The following REXO1 variants were observed in gnomAD, a reference collection of about 807,000 sequenced individuals.
REXO1 encodes RNA exonuclease 1 homolog.
Under a neutral mutation model 102.6 loss-of-function variants are expected in REXO1, and 42 were observed. That is an observed-to-expected ratio of 0.41 (90% CI 0.32 to 0.53). REXO1 has a LOEUF of 0.53. Ranked by LOEUF, REXO1 falls within the 20% of genes least tolerant of loss-of-function variation. The pLI is 0.27. For synonymous variants in REXO1, 908 were observed against 779.1 expected (o/e 1.17, Z -2.76); for missense variants, 1,819 against 1,732.5 (o/e 1.05, Z -0.89).
rs1600505656 is a variant in REXO1 at position 1,815,864 on chromosome 19, T to G, written c.*202A>C. 2 of 1,323,952 alleles carry G rather than the reference T, an allele frequency of 1.5e-6. No homozygotes were observed. Among genetic ancestry groups the G allele is most frequent in the African/African-American group, 3.1e-5 (1 of 32,762 alleles). 82.0% of individuals were successfully genotyped at this position (1,323,952 alleles called of 1,614,324 possible). A position where few individuals can be genotyped will look rare whatever the true frequency, so the allele number is the denominator to read the frequency against. On this transcript the variant is annotated 3_prime_UTR_variant, in exon 16 of 16. Transcript: ENST00000170168. The surrounding 1 kb of genome is among the most constrained non-coding windows in gnomAD (Gnocchi z 4.0). ...CGCCAGAGGGCTGGGGGGCAGAGGGTGGGGACCGGCGGAGGGGTGCGGCAG... is the reference window on the plus strand; with the variant it reads ...CGCCAGAGGGCTGGGGGGCAGAGGGGGGGGACCGGCGGAGGGGTGCGGCAG...
rs145282552 is a variant in REXO1 at position 1,817,643 on chromosome 19, C to T, written c.3090+64G>A. 182 of 1,531,494 alleles carry T rather than the reference C, an allele frequency of 1.2e-4. 1 individual carries two copies. In the East Asian group the frequency reaches 3.9e-3, roughly 33 times the overall value. 94.9% of individuals were successfully genotyped at this position (1,531,494 alleles called of 1,614,324 possible). On this transcript the variant is annotated intron_variant, in intron 11 of 15. Transcript: ENST00000170168. Reference sequence around the variant, plus strand: ...CTGTGCTGTGTCCCGAGACCCCACACCAACGATGGGGAGGCAGAAGTCTGT... The same window carrying T: ...CTGTGCTGTGTCCCGAGACCCCACATCAACGATGGGGAGGCAGAAGTCTGT...
At chr19:1,828,720 G>T in intron 1 of REXO1, 89 bp from the exon 2 acceptor site, 2 of 1,426,314 alleles carry the variant, frequency 1.4e-6, no homozygotes, top group Non-Finnish European at 1.9e-6. Flanking sequence ...CTGCAGGGAA[G>T]GGAAGAGACC....
chr19:1,818,989 C>T (rs747978585), intron 8 of REXO1, 29 bp downstream of exon 8: 30 of 1,583,626 alleles, frequency 1.9e-5, no homozygotes, highest in African/African-American at 2.7e-5. Context: ...CACGAAGCAC[C>T]GTGTGGCAGA....
chr19:1,846,372 C>G (rs2011540868), intron 1 of REXO1, among the ~76,000 whole-genome samples: 1 of 152,154 alleles, frequency 6.6e-6, no homozygotes, highest in Admixed American at 6.5e-5. Context: ...AGGCAGTCTT[C>G]TACCAGACAG....
intron 1 of REXO1, among the ~76,000 whole-genome samples, chr19:1,846,295 G>A (rs995726385): frequency 6.6e-5 from 10 of 152,144 alleles, no homozygotes; most frequent in East Asian, 1.9e-4. Flanking sequence ...AACATGTCAC[G>A]GAGGCGGAAA....
At chr19:1,847,828 C>G (rs1187239042) in intron 1 of REXO1, among the ~76,000 whole-genome samples, 1 of 152,222 alleles carries the variant, frequency 6.6e-6, no homozygotes, top group Non-Finnish European at 1.5e-5. Flanking sequence ...GTCCGGGAAG[C>G]GGCGGGCGCC....
chr19:1,828,587 C>A lies in REXO1; in HGVS notation c.202G>T (p.Ala68Ser), dbSNP rs376254129. 1.0e-4 allele frequency: 160 copies of A among 1,603,330 alleles called. No individual in the cohort carries two copies. Among genetic ancestry groups the A allele is most frequent in the Non-Finnish European group, 1.3e-4 (159 of 1,179,820 alleles). The change falls in exon 2 of 16, where the codon GCG (alanine) becomes TCG (serine). Residue 68 changes from alanine (A) to serine (S), a missense_variant. Physicochemically the swap from Ala to Ser is moderately conservative, Grantham distance 99. Transcript: ENST00000170168. Reference sequence around the variant, plus strand: ...CCCAGGGTGCCATTCTCCCTCTGCGCGGGGGGCTTGGGCAGCTCAGGGTTG... The same window carrying A: ...CCCAGGGTGCCATTCTCCCTCTGCGAGGGGGGCTTGGGCAGCTCAGGGTTG... Reference protein sequence around the residue: ...PYNPELPKPPAQRENGTLGLG... With the variant: ...PYNPELPKPPSQRENGTLGLG...
chr19:1,818,909 A>G, intron 8 of REXO1, 66 bp from the exon 9 acceptor site: 2 of 1,588,546 alleles, frequency 1.3e-6, no homozygotes, highest in South Asian at 1.1e-5. Flanking sequence ...CACCACCGGG[A>G]AAGGCGGCTG....
chr19:1,829,811 C>CA (rs894267792), intron 1 of REXO1, among the ~76,000 whole-genome samples: 5 of 151,750 alleles, frequency 3.3e-5, no homozygotes, highest in South Asian at 2.1e-4. Context: ...CCCGTCTCAA[C>CA]AAAAAAAAAT....
intron 1 of REXO1, among the ~76,000 whole-genome samples, chr19:1,844,953 C>A (rs2011470080): frequency 6.6e-6 from 1 of 152,210 alleles, no homozygotes; most frequent in South Asian, 2.1e-4. Context: ...GCCCACCGCA[C>A]CTCTGGAGAG....
intron 1 of REXO1, 56 bp from the exon 2 acceptor site, chr19:1,828,687 A>G (rs1265787008): frequency 5.9e-6 from 9 of 1,521,116 alleles, no homozygotes; most frequent in East Asian, 2.4e-5. Context: ...AGCCCGCAGC[A>G]TGGGGGCGGC....
rs2069746487 is a variant in REXO1, at chr19:1,827,015, T to A, written c.1774A>T (p.Ser592Cys). ...GAGTAGTCCACATCCGCCCCCGCGCTGGAGGTGGAGGAGGAGGAGGAGGAG... is the reference window on the plus strand; with the variant it reads ...GAGTAGTCCACATCCGCCCCCGCGCAGGAGGTGGAGGAGGAGGAGGAGGAG... The part of the protein sequence containing the change: ...SSSSSSSSTS[S>C]AGADVDYSAL... The change falls in exon 2 of 16, where the codon AGC becomes TGC. Residue 592 changes from serine to cysteine, a missense_variant. Ser to Cys is a moderately radical substitution (Grantham distance 112, BLOSUM62 -1). Transcript: ENST00000170168. The A allele has an allele frequency of 7.3e-7, 1 of 1,372,340 alleles. No individual in the cohort carries two copies. Among genetic ancestry groups the A allele is most frequent in the East Asian group, 3.7e-5 (1 of 27,154 alleles). The allele number at this position is 1,372,340 out of a possible 1,614,324, so 85.0% of individuals were successfully genotyped here. A position where few individuals can be genotyped will look rare whatever the true frequency, so the allele number is the denominator to read the frequency against.
chr19:1,824,794 T>TTGTC (rs1568691192), intron 3 of REXO1, among the ~76,000 whole-genome samples: 8 of 151,320 alleles, frequency 5.3e-5, no homozygotes. Flanking sequence ...TTTTATGTAT[T>TTGTC]TATCTTTTTG....
Position 1,819,011 on chromosome 19 carries a change from G to A in REXO1, c.2764+7C>T. ...CACCGTGTGGCAGAGCAGGGGCAGGGCCTTACCTTTCAGGTCCTCCACCCG... is the reference window on the plus strand; with the variant it reads ...CACCGTGTGGCAGAGCAGGGGCAGGACCTTACCTTTCAGGTCCTCCACCCG... On this transcript the variant is annotated splice_region_variant and intron_variant, in intron 8 of 15. Transcript: ENST00000170168. 6.3e-7 allele frequency: 1 copy of A among 1,597,522 alleles called. No homozygotes were observed. Among genetic ancestry groups the A allele is most frequent in the Non-Finnish European group, 8.5e-7 (1 of 1,170,936 alleles).
At chr19:1,825,712 G>C (rs575544423) in intron 3 of REXO1, 127 bp downstream of exon 3, 9 of 647,546 alleles carry the variant, frequency 1.4e-5, no homozygotes, top group South Asian at 9.2e-5. Context: ...CTGGCCTCAG[G>C]TGATCCACCC....
At chr19:1,841,762 G>A (rs1025873415) in intron 1 of REXO1, among the ~76,000 whole-genome samples, 3 of 152,108 alleles carry the variant, frequency 2.0e-5, no homozygotes, top group African/African-American at 4.8e-5. Flanking sequence ...AGAGTCCCCG[G>A]AACCCCTCCC....
Position 1,815,665 on chromosome 19 carries a change from TAA to T in REXO1, c.*399_*400del, listed in dbSNP as rs1288070900. The T allele has an allele frequency of 1.2e-4, 154 of 1,236,612 alleles. No individual in the cohort carries two copies. The highest frequency in any genetic ancestry group is 5.3e-4 in the South Asian group (31 of 58,900). 76.6% of individuals were successfully genotyped at this position (1,236,612 alleles called of 1,614,324 possible). On this transcript the variant is annotated 3_prime_UTR_variant, in exon 16 of 16. Coordinates refer to ENST00000170168, the MANE Select transcript of REXO1 (RefSeq NM_020695.4). The surrounding 1 kb of genome is among the most constrained non-coding windows in gnomAD (Gnocchi z 4.0). ...AAATAATAAAAATAACAATACAAAA[TAA>T]AAAAAGACTGTCTCAAACAAACCTG... is the stretch of plus-strand genomic sequence containing the variant.
At position 1,830,538 on chromosome 19, in the gene REXO1, T is replaced by C. The variant is rs112039322; in HGVS notation, c.158-1907A>G. On this transcript the variant is annotated intron_variant, in intron 1 of 15. Coordinates refer to ENST00000170168, the MANE Select transcript of REXO1 (RefSeq NM_020695.4). ...AAAAATAAAATAAAGTTCCACTGAATGTAATTCCGTAACATCTCTAAAGGT... is the reference window on the plus strand; with the variant it reads ...AAAAATAAAATAAAGTTCCACTGAACGTAATTCCGTAACATCTCTAAAGGT... Among the ~76,000 whole-genome samples, 381 of 152,316 alleles carry C rather than the reference T, an allele frequency of 2.5e-3. 2 individuals carry two copies. The highest frequency in any genetic ancestry group is 8.5e-3 in the African/African-American group (354 of 41,566).
intron 6 of REXO1, 39 bp downstream of exon 6, chr19:1,820,225 C>A (rs757620703): frequency 1.3e-5 from 21 of 1,594,460 alleles, no homozygotes; most frequent in Non-Finnish European, 1.8e-5. Flanking sequence ...GACCCCTAGT[C>A]CCCACCCGAC....
Sources: allele counts gnomAD v4.1 joint callset (sites outside exome capture counted in the v4.1 genomes callset), GRCh38; gene constraint gnomAD v4.1.1; non-coding constraint Gnocchi (gnomAD v3.1); transcripts MANE v1.5; gene names NCBI Gene and HGNC (gene_info 2026-07-23, HGNC 2026-07-21).